The following DMD variants were observed in gnomAD, a reference collection of about 807,000 sequenced individuals.
DMD encodes mutant dystrophin.
Under a neutral mutation model 330.1 loss-of-function variants are expected in DMD, and 63 were observed. The observed-to-expected ratio is 0.19, with a 90% CI of 0.16 to 0.24. The LOEUF (loss-of-function observed/expected upper bound fraction) is 0.24, where lower values mean the gene tolerates loss of function less well. DMD is among the 10% of genes least tolerant of loss of function. The probability of loss-of-function intolerance (pLI) is 1.00; values close to 1 mark genes in which losing one functional copy is unlikely to be tolerated. For synonymous variants in DMD, 1,223 were observed against 959.8 expected, an observed-to-expected ratio of 1.27 and a Z score of -5.07; for missense variants, 3,344 against 2,684.1, an observed-to-expected ratio of 1.25 and a Z score of -5.43.
chrX:32,079,323 G>T (rs745475419), intron 44 of DMD, among the ~76,000 whole-genome samples: 1 of 111,943 alleles, frequency 8.9e-6, no homozygotes, highest in African/African-American at 3.3e-5. Context: ...CTTGGGCCTG[G>T]TGGGTCACGC....
intron 43 of DMD, among the ~76,000 whole-genome samples, chrX:32,238,943 A>G (rs2097198092): frequency 8.9e-6 from 1 of 111,910 alleles, no homozygotes; most frequent in African/African-American, 3.2e-5. Flanking sequence ...CACTTCTTTG[A>G]TAATTTTCTC....
chrX:33,325,647 A>G (rs2054078844), intron 1 of DMD, among the ~76,000 whole-genome samples: 2 of 112,143 alleles, frequency 1.8e-5, no homozygotes, highest in Non-Finnish European at 3.8e-5. Context: ...TTCAGTATGT[A>G]GTTCTCATTT....
chrX:32,613,177 C>T (rs964972831), intron 12 of DMD, among the ~76,000 whole-genome samples: 1 of 111,169 alleles, frequency 9.0e-6, no homozygotes, highest in Non-Finnish European at 1.9e-5. Flanking sequence ...TTGGGACACA[C>T]ACTAAGAAAA....
At chrX:32,264,941 A>T (rs1048297292) in intron 43 of DMD, among the ~76,000 whole-genome samples, 13 of 112,472 alleles carry the variant, frequency 1.2e-4, no homozygotes, top group Non-Finnish European at 2.1e-4. Context: ...AGCAGAGCAT[A>T]AAAGTTCAGA....
At chrX:31,240,976 T>G (rs1163943697) in intron 63 of DMD, among the ~76,000 whole-genome samples, 1 of 111,030 alleles carries the variant, frequency 9.0e-6, no homozygotes, top group Non-Finnish European at 1.9e-5. Context: ...GGAACAGTAA[T>G]AGTACCTATT....
At chrX:32,307,199 G>A (rs1029725550) in intron 42 of DMD, among the ~76,000 whole-genome samples, 5 of 111,457 alleles carry the variant, frequency 4.5e-5, no homozygotes, top group Non-Finnish European at 9.5e-5. Context: ...TAAAGTGTGT[G>A]TAAGGTAGGA....
intron 58 of DMD, 46 bp downstream of exon 58, chrX:31,478,937 A>C: frequency 1.7e-6 from 2 of 1,199,083 alleles, no homozygotes; most frequent in Non-Finnish European, 2.3e-6. Context: ...CTCCGTCACC[A>C]CTGATCCTTC....
At chrX:32,595,497 T>G (rs775987690) in intron 13 of DMD, among the ~76,000 whole-genome samples, 2 of 111,686 alleles carry the variant, frequency 1.8e-5, no homozygotes, top group Admixed American at 1.9e-4. Context: ...CAACCCCTGC[T>G]TCCCAGCCTT....
intron 1 of DMD, among the ~76,000 whole-genome samples, chrX:33,176,661 C>T (rs768377343): frequency 1.8e-5 from 2 of 110,467 alleles, no homozygotes; most frequent in Non-Finnish European, 1.9e-5. Flanking sequence ...ATAGGCCAGG[C>T]GCAGTGGCTC....
chrX:31,654,946 T>C (rs1263340874), intron 54 of DMD, among the ~76,000 whole-genome samples: 1 of 111,553 alleles, frequency 9.0e-6, no homozygotes, highest in Non-Finnish European at 1.9e-5. Context: ...AAAGAAAATG[T>C]ATAAATAGAA....
intron 1 of DMD, among the ~76,000 whole-genome samples, chrX:33,191,688 T>C (rs934613564): frequency 8.9e-6 from 1 of 112,206 alleles, no homozygotes; most frequent in Non-Finnish European, 1.9e-5. Flanking sequence ...CCTCCCAAAG[T>C]GTTGGGATTA....
intron 44 of DMD, among the ~76,000 whole-genome samples, chrX:32,008,803 C>G (rs1228424482): frequency 9.0e-6 from 1 of 111,143 alleles, no homozygotes; most frequent in African/African-American, 3.3e-5. Flanking sequence ...GTGGAGTCTA[C>G]ATAGAGGAAG....
Position 32,312,941 on chromosome X carries a change from C to CAAAA in DMD, c.5923-2666_5923-2665insTTTT, listed in dbSNP as rs1171543953. On this transcript the variant is annotated intron_variant, in intron 41 of 78. Coordinates refer to ENST00000357033, the MANE Select transcript of DMD (RefSeq NM_004006.3). ...AATTGAGGCAGTAATAGCCTACGAA[C>CAAAA]CAAAAAAAAAAAAAAAAAAAAAAGC... Among the ~76,000 whole-genome samples, 29 of 19,197 alleles carry CAAAA rather than the reference C, an allele frequency of 1.5e-3. 1 individual carries two copies. Among genetic ancestry groups the CAAAA allele is most frequent in the Non-Finnish European group, 2.7e-3 (25 of 9,324 alleles). The allele number at this position is 19,197 out of a possible 115,157, so 16.7% of individuals were successfully genotyped here.
intron 60 of DMD, among the ~76,000 whole-genome samples, chrX:31,406,923 G>C (rs778578856): frequency 2.7e-5 from 3 of 111,452 alleles, no homozygotes; most frequent in South Asian, 3.8e-4. Flanking sequence ...CTAATCCAAG[G>C]CATGTTCATT....
chrX:31,779,516 C>T (rs1344785935), intron 50 of DMD, among the ~76,000 whole-genome samples: 1 of 112,066 alleles, frequency 8.9e-6, no homozygotes, highest in Non-Finnish European at 1.9e-5. Context: ...GCCTAGGGTC[C>T]TTACTGAAAA....
At chrX:32,111,474 T>C (rs941379547) in intron 44 of DMD, among the ~76,000 whole-genome samples, 4 of 112,202 alleles carry the variant, frequency 3.6e-5, no homozygotes, top group African/African-American at 1.3e-4. Flanking sequence ...TTCTTTTGGT[T>C]TATAATGTAT....
At chrX:31,916,718 A>G (rs1345995344) in intron 47 of DMD, among the ~76,000 whole-genome samples, 2 of 111,650 alleles carry the variant, frequency 1.8e-5, no homozygotes, top group African/African-American at 6.5e-5. Flanking sequence ...GGTTAAATCT[A>G]TACAGAAGAT....
intron 37 of DMD, among the ~76,000 whole-genome samples, chrX:32,348,785 G>T (rs1257532954): frequency 9.0e-6 from 1 of 111,357 alleles, no homozygotes; most frequent in Non-Finnish European, 1.9e-5. Context: ...ATCAACAACA[G>T]TCAATTTACA....
chrX:31,150,088 A>C (rs1231444042), intron 74 of DMD, among the ~76,000 whole-genome samples: 1 of 111,760 alleles, frequency 8.9e-6, no homozygotes, highest in Non-Finnish European at 1.9e-5. Flanking sequence ...AATTGTCCAT[A>C]TCTTTATTAA....
Sources: allele counts gnomAD v4.1 joint callset (sites outside exome capture counted in the v4.1 genomes callset), GRCh38; gene constraint gnomAD v4.1.1; transcripts MANE v1.5; gene names NCBI Gene and HGNC (gene_info 2026-07-23, HGNC 2026-07-21).